The following ASB13 variants were observed in gnomAD, a reference collection of about 807,000 sequenced individuals.
ASB13 encodes ankyrin repeat and SOCS box protein 13.
A neutral mutation model predicts 28.8 loss-of-function variants in ASB13; 33 were observed. The ratio of observed to expected loss-of-function variants is 1.15; its 90% CI spans 0.87 to 1.53. ASB13 has a LOEUF of 1.53. Ranked by LOEUF, ASB13 falls within the 40% of genes most tolerant of loss-of-function variation. The pLI, the probability that ASB13 is intolerant of heterozygous loss-of-function variation, is 0.00. For missense variants in ASB13, 414 were observed against 390.1 expected, an observed-to-expected ratio of 1.06 and a Z score of -0.52; for synonymous variants, 182 against 172.9, an observed-to-expected ratio of 1.05 and a Z score of -0.41.
In ASB13 at chr10:5,640,641, G is replaced by A; in HGVS notation, c.*62C>T. 6.2e-7 allele frequency: 1 copy of A among 1,604,398 alleles called. No individual in the cohort carries two copies. Among genetic ancestry groups the A allele is most frequent in the East Asian group, 2.2e-5 (1 of 44,752 alleles). The stretch of plus-strand genomic sequence containing the variant: ...ACGCTGCTTCAGAGGAACAGGCAGA[G>A]CCCTCACCCGGGCAATGCTGGGCAC... On this transcript the variant is annotated 3_prime_UTR_variant, in exon 6 of 6. Transcript: ENST00000357700.
Position 5,651,017 on chromosome 10 carries a change from G to A in ASB13, c.382+196C>T, listed in dbSNP as rs1057151983. On this transcript the variant is annotated intron_variant, in intron 3 of 5. Transcript: ENST00000357700. This position sits in a 1 kb window ranked among gnomAD's most constrained non-coding sequence, Gnocchi z 5.1. Reference sequence around the variant, plus strand: ...AGAGTCACCCACCCCAGCCCTGGACGAAGACCTCAAGAAGGGAAAGCTTAG... The same window carrying A: ...AGAGTCACCCACCCCAGCCCTGGACAAAGACCTCAAGAAGGGAAAGCTTAG... Among the ~76,000 whole-genome samples, 4 of 152,182 alleles carry A rather than the reference G, an allele frequency of 2.6e-5. No homozygotes were observed. Among genetic ancestry groups the A allele is most frequent in the African/African-American group, 9.6e-5 (4 of 41,454 alleles).
Position 5,659,800 on chromosome 10 carries a change from G to A in ASB13, c.43+6709C>T, listed in dbSNP as rs1431089708. Among the ~76,000 whole-genome samples the A allele has an allele frequency of 6.6e-6, 1 of 152,086 alleles. No homozygotes were observed. Among genetic ancestry groups the A allele is most frequent in the East Asian group, 1.9e-4 (1 of 5,178 alleles). On this transcript the variant is annotated intron_variant, in intron 1 of 5. Transcript: ENST00000357700. This position sits in a 1 kb window ranked among gnomAD's most constrained non-coding sequence, Gnocchi z 5.8. ...CAGCCTCCCCACACAGGCTGCTCGT[G>A]CAGGTATCTGAATGAATAAGCACTC...
At position 5,642,468 on chromosome 10, in the gene ASB13, C is replaced by A; in HGVS notation, c.518-507G>T. 8.5e-7 allele frequency: 1 copy of A among 1,176,048 alleles called. No individual in the cohort carries two copies. The highest frequency in any genetic ancestry group is 6.7e-5 in the East Asian group (1 of 15,018). The allele number at this position is 1,176,048 out of a possible 1,614,324, so 72.9% of individuals were successfully genotyped here. A position where few individuals can be genotyped will look rare whatever the true frequency, so the allele number is the denominator to read the frequency against. On this transcript the variant is annotated intron_variant, in intron 4 of 5. Transcript: ENST00000357700. The surrounding 1 kb of genome is among the most constrained non-coding windows in gnomAD (Gnocchi z 4.1). Reference sequence around the variant, plus strand: ...TCTTTTACAAAAGGAAAACAGATAACGTACCCAAAACAGTAGGCAATTCAG... The same window carrying A: ...TCTTTTACAAAAGGAAAACAGATAAAGTACCCAAAACAGTAGGCAATTCAG...
Position 5,641,774 on chromosome 10 carries a change from G to A in ASB13, c.705C>T (p.Tyr235=), listed in dbSNP as rs371661340. The change falls in exon 5 of 6, where the codon TAC becomes TAT. Residue 235 remains tyrosine, a synonymous_variant. Coordinates refer to ENST00000357700, the MANE Select transcript of ASB13 (RefSeq NM_024701.4). The surrounding 1 kb of genome is among the most constrained non-coding windows in gnomAD (Gnocchi z 8.4). ...SSAPAKCFEY[Y]EKTPLTLSQL... is the part of the protein sequence containing the mutation. Reference sequence around the variant, plus strand: ...GCGCTCGGTGGGGTGTCTCACTTTCGTAGTACTCGAAGCACTTGGCGGGAG... The same window carrying A: ...GCGCTCGGTGGGGTGTCTCACTTTCATAGTACTCGAAGCACTTGGCGGGAG... 65 of 1,585,834 alleles carry A rather than the reference G, an allele frequency of 4.1e-5. No homozygotes were observed. The highest frequency in any genetic ancestry group is 4.7e-5 in the Non-Finnish European group (55 of 1,164,112).
rs146312730 is a variant in ASB13, at chr10:5,649,125, G to T, written c.383-21C>A. 57 of 1,613,852 alleles carry T rather than the reference G, an allele frequency of 3.5e-5. 1 individual carries two copies. Among genetic ancestry groups the T allele is most frequent in the Admixed American group, 2.0e-4 (12 of 60,034 alleles). ...ACTCCCTTAAGATAAATGGAAAAGG[G>T]GGGGAATGTCCTTGAATACGGACAC... On this transcript the variant is annotated intron_variant, in intron 3 of 5. Transcript: ENST00000357700. This position sits in a 1 kb window ranked among gnomAD's most constrained non-coding sequence, Gnocchi z 6.4.
At position 5,651,377 on chromosome 10, in the gene ASB13, G is replaced by A; in HGVS notation, c.232-14C>T. 1 of 1,584,626 alleles carries A rather than the reference G, an allele frequency of 6.3e-7. No homozygotes were observed. Among genetic ancestry groups the A allele is most frequent in the Non-Finnish European group, 8.6e-7 (1 of 1,161,480 alleles). On this transcript the variant is annotated splice_polypyrimidine_tract_variant and intron_variant, in intron 2 of 5. Transcript: ENST00000357700. The surrounding 1 kb of genome is among the most constrained non-coding windows in gnomAD (Gnocchi z 5.1). ...GCGAGCATCCACCTCACGGGAGGAA[G>A]AAACAAGTGTCAAAGGGCAGAGAAA...
At position 5,655,103 on chromosome 10, in the gene ASB13, TAAA is replaced by T. The variant is rs75163537; in HGVS notation, c.44-2056_44-2054del. On this transcript the variant is annotated intron_variant, in intron 1 of 5. Transcript: ENST00000357700. The surrounding 1 kb of genome is among the most constrained non-coding windows in gnomAD (Gnocchi z 6.2). The stretch of plus-strand genomic sequence containing the variant: ...GGCAACAAGAGTGAAACTCTGTCTT[TAAA>T]AAAAAAAAAAAAGTGTCTGCATCGA... 1.4e-5 allele frequency among the ~76,000 whole-genome samples: 2 copies of T among 140,822 alleles called. No individual in the cohort carries two copies. The highest frequency in any genetic ancestry group is 2.6e-5 in the African/African-American group (1 of 38,336). The allele number at this position is 140,822 out of a possible 152,430, so 92.4% of individuals were successfully genotyped here.
chr10:5,649,185 G>A lies in ASB13; in HGVS notation c.383-81C>T. ...CAAGCACACAGACGCGGCAGGGGCA[G>A]CAGCCTCCATCCTTGGTGCAGGGCA... On this transcript the variant is annotated intron_variant, in intron 3 of 5. Coordinates refer to ENST00000357700, the MANE Select transcript of ASB13 (RefSeq NM_024701.4). The surrounding 1 kb of genome is among the most constrained non-coding windows in gnomAD (Gnocchi z 6.4). The A allele has an allele frequency of 5.7e-6, 9 of 1,575,262 alleles. No homozygotes were observed. The highest frequency in any genetic ancestry group is 1.3e-5 in the African/African-American group (1 of 74,574).
intron 1 of ASB13, among the ~76,000 whole-genome samples, chr10:5,657,010 G>A (rs1307810987): frequency 6.6e-6 from 1 of 152,170 alleles, no homozygotes; most frequent in Admixed American, 6.5e-5. Flanking sequence ...TGAGCAGTAA[G>A]CAGCCAAATC....
In ASB13 at chr10:5,652,682, C is replaced by T. The variant is rs978179850; in HGVS notation, c.231+181G>A. Among the ~76,000 whole-genome samples the T allele has an allele frequency of 1.3e-5, 2 of 152,244 alleles. No homozygotes were observed. Among genetic ancestry groups the T allele is most frequent in the Non-Finnish European group, 2.9e-5 (2 of 68,040 alleles). ...TTGCTCAGGCTGCCCTTTCTTCCAC[C>T]ACCGTGACCTCCTAACAGCCAGGTC... On this transcript the variant is annotated intron_variant, in intron 2 of 5. Transcript: ENST00000357700. The surrounding 1 kb of genome is among the most constrained non-coding windows in gnomAD (Gnocchi z 5.0).
Position 5,641,161 on chromosome 10 carries a change from G to A in ASB13, c.710-331C>T, listed in dbSNP as rs1390249463. Among the ~76,000 whole-genome samples, 1 of 152,112 alleles carries A rather than the reference G, an allele frequency of 6.6e-6. No homozygotes were observed. The highest frequency in any genetic ancestry group is 1.5e-5 in the Non-Finnish European group (1 of 68,010). On this transcript the variant is annotated intron_variant, in intron 5 of 5. Transcript: ENST00000357700. This position sits in a 1 kb window ranked among gnomAD's most constrained non-coding sequence, Gnocchi z 8.4. The stretch of plus-strand genomic sequence containing the variant: ...CTGTCACCCAGGCTGGAGTGCAGCG[G>A]CACAATCTCAGCTCACTGCAACCTC...
In ASB13 at chr10:5,640,800, C is replaced by A; in HGVS notation, c.740G>T (p.Arg247Met). 1 of 1,614,142 alleles carries A rather than the reference C, an allele frequency of 6.2e-7. No individual in the cohort carries two copies. The highest frequency in any genetic ancestry group is 8.5e-7 in the Non-Finnish European group (1 of 1,180,026). The stretch of plus-strand genomic sequence containing the variant: ...GCCAGTGGCCTTCCTCAAGTTCACC[C>A]TGCAGAGCTGTGACAGAGTCAGAGG... ...KTPLTLSQLC[R>M]VNLRKATGVR... The change falls in exon 6 of 6, where the codon AGG (arginine) becomes ATG (methionine). Residue 247 changes from arginine to methionine, a missense_variant. Arg to Met is a moderately conservative substitution (Grantham distance 91). Coordinates refer to ENST00000357700, the MANE Select transcript of ASB13 (RefSeq NM_024701.4).
chr10:5,651,089 C>A lies in ASB13; in HGVS notation c.382+124G>T. 7.8e-7 allele frequency: 1 copy of A among 1,280,306 alleles called. No homozygotes were observed. The allele number at this position is 1,280,306 out of a possible 1,614,324, so 79.3% of individuals were successfully genotyped here. On this transcript the variant is annotated intron_variant, in intron 3 of 5. Coordinates refer to ENST00000357700, the MANE Select transcript of ASB13 (RefSeq NM_024701.4). This position sits in a 1 kb window ranked among gnomAD's most constrained non-coding sequence, Gnocchi z 5.1. ...AGGAGCCAGAAACAGACTCAGAACT[C>A]TCCTTCACCAGCCAAGGGCTCCCAA...
In ASB13 at chr10:5,652,962, G is replaced by C; in HGVS notation, c.132C>G (p.Cys44Trp). 6.4e-7 allele frequency: 1 copy of C among 1,569,730 alleles called. No homozygotes were observed. The highest frequency in any genetic ancestry group is 1.3e-5 in the African/African-American group (1 of 74,362). Residue 44 changes from cysteine to tryptophan, a missense_variant, in exon 2 of 6, where the codon TGC becomes TGG. Transcript: ENST00000357700. This position sits in a 1 kb window ranked among gnomAD's most constrained non-coding sequence, Gnocchi z 5.0. ...TGGAGTCCACGGTGACCTGGTTCAC[G>C]CAGGCGCCGCTCTCGATCAGCTGTT... ...QLQQLIESGA[C>W]VNQVTVDSIT...
chr10:5,653,300 T>C (rs533186222), intron 1 of ASB13, among the ~76,000 whole-genome samples: 1 of 152,308 alleles, frequency 6.6e-6, no homozygotes, highest in Non-Finnish European at 1.5e-5. Context: ...CTCCCACCCC[T>C]GCCCCTGCAT....
At position 5,645,147 on chromosome 10, in the gene ASB13, G is replaced by C. The variant is rs897053275; in HGVS notation, c.518-3186C>G. 6.6e-5 allele frequency among the ~76,000 whole-genome samples: 10 copies of C among 151,870 alleles called. No homozygotes were observed. The highest frequency in any genetic ancestry group is 1.3e-4 in the Non-Finnish European group (9 of 68,014). On this transcript the variant is annotated intron_variant, in intron 4 of 5. Coordinates refer to ENST00000357700, the MANE Select transcript of ASB13 (RefSeq NM_024701.4). The surrounding 1 kb of genome is among the most constrained non-coding windows in gnomAD (Gnocchi z 5.4). Reference sequence around the variant, plus strand: ...GAACCCGTGGCCAGTGACGTGACGGGACCGCCTAAGACCTTAGCACGCCAA... The same window carrying C: ...GAACCCGTGGCCAGTGACGTGACGGCACCGCCTAAGACCTTAGCACGCCAA...
rs150053618 is a variant in ASB13 at position 5,641,571 on chromosome 10, C to T, written c.709+199G>A. Reference sequence around the variant, plus strand: ...CCACAGCTTCTGCTGCTCCACGCCACGGGCCACAGGGAACCCAGGGAGAGC... The same window carrying T: ...CCACAGCTTCTGCTGCTCCACGCCATGGGCCACAGGGAACCCAGGGAGAGC... On this transcript the variant is annotated intron_variant, in intron 5 of 5. Transcript: ENST00000357700. The surrounding 1 kb of genome is among the most constrained non-coding windows in gnomAD (Gnocchi z 8.4). 2.1e-4 allele frequency among the ~76,000 whole-genome samples: 32 copies of T among 152,272 alleles called. No individual in the cohort carries two copies. The highest frequency in any genetic ancestry group is 7.2e-4 in the African/African-American group (30 of 41,556).
At chr10:5,653,574 G>A (rs1288138564) in intron 1 of ASB13, among the ~76,000 whole-genome samples, 1 of 152,192 alleles carries the variant, frequency 6.6e-6, no homozygotes, top group East Asian at 1.9e-4. Context: ...CCACTTTAGT[G>A]GCTTCCTCAG....
In ASB13 at chr10:5,655,467, C is replaced by G. The variant is rs1159155485; in HGVS notation, c.44-2417G>C. 6.6e-6 allele frequency among the ~76,000 whole-genome samples: 1 copy of G among 152,216 alleles called. No homozygotes were observed. The highest frequency in any genetic ancestry group is 2.4e-5 in the African/African-American group (1 of 41,436). On this transcript the variant is annotated intron_variant, in intron 1 of 5. Transcript: ENST00000357700. This position sits in a 1 kb window ranked among gnomAD's most constrained non-coding sequence, Gnocchi z 6.2. ...TGGCACCGAATCAGTGCTCAATAAA[C>G]ACTGTCTGTTTGTAGTATTTTTGCC...
Sources: allele counts gnomAD v4.1 joint callset (sites outside exome capture counted in the v4.1 genomes callset), GRCh38; gene constraint gnomAD v4.1.1; non-coding constraint Gnocchi (gnomAD v3.1); transcripts MANE v1.5; gene names NCBI Gene and HGNC (gene_info 2026-07-23, HGNC 2026-07-21).